The following PIP4K2A variants were observed in gnomAD, a reference collection of about 807,000 sequenced individuals.
PIP4K2A encodes the protein phosphatidylinositol 5-phosphate 4-kinase type-2 alpha.
Under a neutral mutation model 42.9 loss-of-function variants are expected in PIP4K2A, and 14 were observed. The ratio of observed to expected loss-of-function variants is 0.33; its 90% confidence interval spans 0.22 to 0.51. PIP4K2A has a LOEUF of 0.51. Ranked by LOEUF, PIP4K2A falls within the 20% of genes least tolerant of loss-of-function variation. PIP4K2A has a pLI of 0.97. For synonymous variants in PIP4K2A, 192 were observed against 192.2 expected, an observed-to-expected ratio of 1.00 and a Z score of 0.01; for missense variants, 434 against 519.8, an observed-to-expected ratio of 0.83 and a Z score of 1.61.
chr10:22,702,790 C>CT (rs1395268964), intron 1 of PIP4K2A, among the ~76,000 whole-genome samples: 1 of 152,092 alleles, frequency 6.6e-6, no homozygotes, highest in Non-Finnish European at 1.5e-5. Context: ...AACTAATGGC[C>CT]TACGGTTTAG....
intron 4 of PIP4K2A, among the ~76,000 whole-genome samples, chr10:22,580,289 A>G (rs962623242): frequency 6.6e-6 from 1 of 152,044 alleles, no homozygotes; most frequent in African/African-American, 2.4e-5. Flanking sequence ...CTGTGAGCAC[A>G]TTTTTCTTCA....
chr10:22,673,557 A>G (rs1839496261), intron 1 of PIP4K2A, among the ~76,000 whole-genome samples: 1 of 152,180 alleles, frequency 6.6e-6, no homozygotes, highest in Non-Finnish European at 1.5e-5. Context: ...CAATTTAAAC[A>G]TACACCACAC....
intron 5 of PIP4K2A, 31 bp from the exon 6 acceptor site, chr10:22,567,920 G>C (rs763663635): frequency 1.3e-6 from 2 of 1,597,736 alleles, no homozygotes; most frequent in Non-Finnish European, 1.7e-6. Context: ...AAAAACATGC[G>C]CATGGGAGGC....
At chr10:22,579,997 A>C (rs2130805138) in intron 4 of PIP4K2A, among the ~76,000 whole-genome samples, 1 of 152,036 alleles carries the variant, frequency 6.6e-6, no homozygotes, top group East Asian at 1.9e-4. Context: ...CCTGCTCATG[A>C]CTCAAGCAGG....
intron 6 of PIP4K2A, among the ~76,000 whole-genome samples, chr10:22,557,161 C>T (rs193272894): frequency 3.8e-4 from 58 of 151,728 alleles, no homozygotes; most frequent in Non-Finnish European, 7.1e-4. Flanking sequence ...AAAGGGAAAA[C>T]GTATCAGGAC....
chr10:22,621,564 T>C (rs1838331880), intron 1 of PIP4K2A, among the ~76,000 whole-genome samples: 1 of 152,202 alleles, frequency 6.6e-6, no homozygotes, highest in South Asian at 2.1e-4. Context: ...CCAGAAGCCC[T>C]AAATCTCATA....
At chr10:22,630,140 C>G (rs1246435110) in intron 1 of PIP4K2A, among the ~76,000 whole-genome samples, 1 of 151,432 alleles carries the variant, frequency 6.6e-6, no homozygotes, top group Admixed American at 6.6e-5. Flanking sequence ...AGTTTTAACA[C>G]CAGCCTGTGA....
At chr10:22,654,176 C>A (rs1178565638) in intron 1 of PIP4K2A, among the ~76,000 whole-genome samples, 1 of 152,172 alleles carries the variant, frequency 6.6e-6, no homozygotes, top group Non-Finnish European at 1.5e-5. Context: ...TTGAAAAACA[C>A]ATGTTTCCGT....
At chr10:22,601,130 CAAAAAAA>C (rs1188396077) in intron 3 of PIP4K2A, among the ~76,000 whole-genome samples, 1,443 of 31,810 alleles carry the variant, frequency 0.045, 63 homozygotes, top group African/African-American at 0.089. Flanking sequence ...GAGACTGTCT[CAAAAAAA>C]AAAAAAAAAA....
intron 1 of PIP4K2A, among the ~76,000 whole-genome samples, chr10:22,677,115 G>A (rs1003166857): frequency 7.9e-5 from 12 of 152,064 alleles, no homozygotes; most frequent in African/African-American, 2.9e-4. Context: ...GTTATTAAAG[G>A]AGGTTACCAT....
intron 1 of PIP4K2A, among the ~76,000 whole-genome samples, chr10:22,632,215 T>C (rs1838565317): frequency 6.6e-6 from 1 of 152,018 alleles, no homozygotes; most frequent in South Asian, 2.1e-4. Flanking sequence ...GTGGAATGAG[T>C]GCGGAAATGT....
intron 1 of PIP4K2A, among the ~76,000 whole-genome samples, chr10:22,695,869 C>T (rs1024917896): frequency 6.6e-6 from 1 of 152,022 alleles, no homozygotes; most frequent in African/African-American, 2.4e-5. Flanking sequence ...ATATTTTCGA[C>T]CCGTGGTTGG....
intron 1 of PIP4K2A, among the ~76,000 whole-genome samples, chr10:22,618,391 C>T (rs2130732966): frequency 6.6e-6 from 1 of 152,214 alleles, no homozygotes; most frequent in South Asian, 2.1e-4. Flanking sequence ...GAACAGAGAA[C>T]TAAAATTAGG....
At chr10:22,685,012 A>G (rs570644436) in intron 1 of PIP4K2A, among the ~76,000 whole-genome samples, 1 of 152,260 alleles carries the variant, frequency 6.6e-6, no homozygotes, top group Admixed American at 6.5e-5. Flanking sequence ...CAGAAACCGC[A>G]TTACTGGTGA....
At chr10:22,639,081 T>TG (rs1285954006) in intron 1 of PIP4K2A, among the ~76,000 whole-genome samples, 1 of 152,150 alleles carries the variant, frequency 6.6e-6, no homozygotes, top group Non-Finnish European at 1.5e-5. Context: ...CAATGACTCA[T>TG]GGTCAAGATG....
At chr10:22,671,018 G>T (rs1211927808) in intron 1 of PIP4K2A, among the ~76,000 whole-genome samples, 1 of 152,158 alleles carries the variant, frequency 6.6e-6, no homozygotes, top group African/African-American at 2.4e-5. Context: ...TACTGGCTAT[G>T]ATGTAAATGC....
In PIP4K2A at chr10:22,539,450, A is replaced by T. The variant is rs564634176; in HGVS notation, c.1140+521T>A. On this transcript the variant is annotated intron_variant, in intron 9 of 9. Transcript: ENST00000376573. The stretch of plus-strand genomic sequence containing the variant: ...TGCACTCAAGAGATTTCTGTAGTAG[A>T]AAAAATACAACTCACTGTGAGAAAA... The T allele has an allele frequency of 4.3e-4, 66 of 153,556 alleles. No homozygotes were observed. The South Asian group carries it at 0.013, about 30-fold the overall frequency. The allele number at this position is 153,556 out of a possible 1,614,324, so 9.5% of individuals were successfully genotyped here. A position where few individuals can be genotyped will look rare whatever the true frequency, so the allele number is the denominator to read the frequency against.
intron 1 of PIP4K2A, among the ~76,000 whole-genome samples, chr10:22,627,588 TAATAAAAAAAAAAAAAAAAAAAAAA>T (rs1473179109): frequency 4.1e-4 from 16 of 38,956 alleles, no homozygotes; most frequent in African/African-American, 1.0e-3. Context: ...AGCTAATATG[TAATAAAAAAAAAAAAAAAAAAAAAA>T]AAAAAAAAAA....
chr10:22,615,006 A>G (rs1463783549), intron 1 of PIP4K2A, among the ~76,000 whole-genome samples: 1 of 152,236 alleles, frequency 6.6e-6, no homozygotes, highest in East Asian at 1.9e-4. Flanking sequence ...CTCCAGTTTT[A>G]GAAAACTTTA....
Sources: gnomAD v4.1 joint callset for allele counts (sites outside exome capture counted in the v4.1 genomes callset) on GRCh38, gnomAD v4.1.1 for gene constraint, MANE v1.5 for transcripts, NCBI Gene and HGNC (gene_info 2026-07-23, HGNC 2026-07-21) for gene names.